DIXDC1: variants seen among roughly 807,000 people sequenced by gnomAD.
DIXDC1 encodes dixin.
In DIXDC1, 64 loss-of-function variants were observed where a neutral mutation model predicts 103.1. The observed-to-expected ratio is 0.62, with a 90% CI of 0.51 to 0.76. The LOEUF is 0.76. Ranked by LOEUF, DIXDC1 falls within the 30% of genes least tolerant of loss-of-function variation. The pLI, the probability that DIXDC1 is intolerant of heterozygous loss-of-function variation, is 0.00. For synonymous variants in DIXDC1, 266 were observed against 298.5 expected (o/e 0.89, Z 1.12); for missense variants, 759 against 834.2 (o/e 0.91, Z 1.11).
At chr11:111,993,079 C>A in intron 12 of DIXDC1, 75 bp downstream of exon 12, 2 of 1,458,098 alleles carry the variant, frequency 1.4e-6, no homozygotes, top group Non-Finnish European at 1.9e-6. Flanking sequence ...GCTCAAAAAG[C>A]ACTTAAGTAT....
At chr11:111,931,078 T>A (rs184446057) in intron 2 of DIXDC1, among the ~76,000 whole-genome samples, 14 of 151,998 alleles carry the variant, frequency 9.2e-5, no homozygotes, top group Admixed American at 5.2e-4. Context: ...GGTCTCGAAC[T>A]CCTGACCTCA....
chr11:111,929,317 C>G (rs969344857), intron 1 of DIXDC1, among the ~76,000 whole-genome samples: 4 of 152,272 alleles, frequency 2.6e-5, no homozygotes, highest in Middle Eastern at 3.4e-3. Context: ...TGGTCCTTGA[C>G]TAATAAATAT....
In DIXDC1 at chr11:112,019,030, G is replaced by A. The variant is rs1861680199; in HGVS notation, c.2046G>A (p.Glu682=). ...CTTGGGTGGAAGAAGACCATGGAGA[G>A]AATTAATGCCAAGTATCAGATTGAG... ...IVAWVEEDHG[E]N Residue 682 remains glutamate (E), a synonymous_variant, in exon 20 of 20, where the codon GAG becomes GAA. Transcript: ENST00000440460. 3.1e-6 allele frequency: 5 copies of A among 1,612,674 alleles called. No homozygotes were observed. The African/African-American group carries it at 6.7e-5, about 21-fold the overall frequency.
intron 2 of DIXDC1, among the ~76,000 whole-genome samples, chr11:111,930,826 T>A (rs1372742206): frequency 2.1e-5 from 3 of 140,978 alleles, no homozygotes; most frequent in Non-Finnish European, 3.0e-5. Flanking sequence ...AGTGAGACCC[T>A]CCTTTCTTTC....
chr11:111,980,617 TA>T, intron 5 of DIXDC1, 119 bp from the exon 6 acceptor site: 1 of 683,222 alleles, frequency 1.5e-6, no homozygotes, highest in Non-Finnish European at 2.5e-6. Context: ...AGTACTGTGT[TA>T]CCCATGGAGG....
intron 17 of DIXDC1, among the ~76,000 whole-genome samples, chr11:112,011,249 A>G (rs1227961466): frequency 2.0e-5 from 3 of 152,234 alleles, no homozygotes; most frequent in Non-Finnish European, 2.9e-5. Flanking sequence ...CAGAACCACA[A>G]TGAGATACCA....
At chr11:111,988,676 TATTATA>T (rs1860584446) in intron 9 of DIXDC1, among the ~76,000 whole-genome samples, 1 of 152,198 alleles carries the variant, frequency 6.6e-6, no homozygotes, top group Non-Finnish European at 1.5e-5. Context: ...GGATTTAGAT[TATTATA>T]ATTAGGTTTT....
At chr11:111,935,863 C>T (rs1555168070), upstream of DIXDC1, among the ~76,000 whole-genome samples, 1 of 152,208 alleles carries the variant, frequency 6.6e-6, no homozygotes, top group African/African-American at 2.4e-5. Flanking sequence ...CCAGCAGCTG[C>T]CACTCAACAC....
At chr11:111,972,692 C>T (rs1003440223) in intron 3 of DIXDC1, among the ~76,000 whole-genome samples, 1 of 152,208 alleles carries the variant, frequency 6.6e-6, no homozygotes, top group African/African-American at 2.4e-5. Context: ...TCACTTCCTC[C>T]ACCACAGTGC....
chr11:111,968,624 A>G lies in DIXDC1; in HGVS notation c.302A>G (p.Gln101Arg). 1 of 1,609,554 alleles carries G rather than the reference A, an allele frequency of 6.2e-7. No homozygotes were observed. Among genetic ancestry groups the G allele is most frequent in the Non-Finnish European group, 8.5e-7 (1 of 1,177,790 alleles). Reference protein sequence around the residue: ...FVASKKIRMHQTSAKDIVDGN... With the variant: ...FVASKKIRMHRTSAKDIVDGN... ...GCCTCTAAAAAGATTCGTATGCACC[A>G]GACTTCGGCTAAAGGTCAGTGCCTC... The change falls in exon 3 of 20, where the codon CAG becomes CGG. Residue 101 changes from glutamine (Q) to arginine (R), a missense_variant. Gln to Arg is a conservative substitution (Grantham distance 43, BLOSUM62 1). Around this residue, in one of 3 missense-constraint regions of DIXDC1, gnomAD observed 657 missense variants for 727.5 expected, o/e 0.90. Transcript: ENST00000440460.
intron 17 of DIXDC1, among the ~76,000 whole-genome samples, chr11:112,000,255 G>A (rs1233924041): frequency 6.6e-6 from 1 of 152,164 alleles, no homozygotes; most frequent in African/African-American, 2.4e-5. Flanking sequence ...ACAACCTACA[G>A]AATAGGAGAA....
In DIXDC1 at chr11:111,980,746, A is replaced by G. The variant is rs1555173153; in HGVS notation, c.666A>G (p.Ser222=). 6.2e-7 allele frequency: 1 copy of G among 1,613,740 alleles called. No individual in the cohort carries two copies. The highest frequency in any genetic ancestry group is 1.1e-5 in the South Asian group (1 of 91,040). Residue 222 remains serine (S), a synonymous_variant, in exon 6 of 20, where the codon TCA becomes TCG. Transcript: ENST00000440460. The part of the protein sequence containing the change: ...PSESSCSSLT[S]PSPIHSAKSE... ...TTTTCTTCAATCACAGCCTGACTTC[A>G]CCCAGTCCAATCCACAGTGCAAAGA...
intron 17 of DIXDC1, chr11:111,996,424 T>A: frequency 3.9e-6 from 1 of 254,632 alleles, no homozygotes; most frequent in Non-Finnish European, 7.5e-6. Flanking sequence ...AGATTTATGC[T>A]GAAAAAGCAA....
intron 17 of DIXDC1, among the ~76,000 whole-genome samples, chr11:112,003,429 A>G (rs1428586671): frequency 6.6e-6 from 1 of 152,254 alleles, no homozygotes; most frequent in Non-Finnish European, 1.5e-5. Flanking sequence ...CCTGGGAGAC[A>G]GAGTGAGACT....
intron 3 of DIXDC1, among the ~76,000 whole-genome samples, chr11:111,973,392 A>T (rs1286334363): frequency 1.3e-5 from 2 of 152,054 alleles, no homozygotes; most frequent in East Asian, 3.9e-4. Context: ...AAAAGGTGAG[A>T]TTAATTTTAA....
intron 1 of DIXDC1, among the ~76,000 whole-genome samples, chr11:111,950,106 T>G (rs1555169758): frequency 6.6e-6 from 1 of 152,010 alleles, no homozygotes; most frequent in African/African-American, 2.4e-5. Flanking sequence ...TGAAATTTAT[T>G]AAAGGCAAAT....
At chr11:111,982,211 C>T (rs1314664730) in intron 6 of DIXDC1, 128 bp from the exon 7 acceptor site, 5 of 1,003,040 alleles carry the variant, frequency 5.0e-6, no homozygotes, top group Non-Finnish European at 7.2e-6. Flanking sequence ...GTGGAGAGTC[C>T]AGTCTGTGCT....
chr11:111,968,743 A>G (rs1859816057), intron 3 of DIXDC1, 105 bp downstream of exon 3: 1 of 1,199,766 alleles, frequency 8.3e-7, no homozygotes, highest in Non-Finnish European at 1.1e-6. Flanking sequence ...GAAAGTCTCC[A>G]TTCATTTTAT....
At chr11:111,964,714 A>G in intron 2 of DIXDC1, 36 bp downstream of exon 2, 1 of 1,544,560 alleles carries the variant, frequency 6.5e-7, no homozygotes, top group East Asian at 2.3e-5. Flanking sequence ...TAGAGTACAT[A>G]GATCAGAATC....
Sources: gnomAD v4.1 joint callset for allele counts (sites outside exome capture counted in the v4.1 genomes callset) on GRCh38, gnomAD v4.1.1 for gene constraint, gnomAD v4.1.1 regional missense constraint, MANE v1.5 for transcripts, NCBI Gene and HGNC (gene_info 2026-07-23, HGNC 2026-07-21) for gene names.